Variants in PPP4R3B observed in about 807,000 individuals in gnomAD.
PPP4R3B encodes the protein protein phosphatase 4 regulatory subunit 3B.
PPP4R3B carries 52 observed loss-of-function variants against 95.4 expected under a neutral mutation model. That is an observed-to-expected ratio of 0.54 (90% confidence interval 0.44 to 0.69). The LOEUF (loss-of-function observed/expected upper bound fraction) is 0.69. Ranked by LOEUF, PPP4R3B falls within the 30% of genes least tolerant of loss-of-function variation. PPP4R3B has a pLI of 0.00. For synonymous variants in PPP4R3B, 407 were observed against 343.9 expected, an observed-to-expected ratio of 1.18 and a Z score of -2.03; for missense variants, 1,003 against 1,005.9, an observed-to-expected ratio of 1.00 and a Z score of 0.04.
chr2:55,554,138 T>C (rs368241705), intron 16 of PPP4R3B, among the ~76,000 whole-genome samples: 37 of 152,250 alleles, frequency 2.4e-4, no homozygotes, highest in African/African-American at 8.4e-4. Context: ...GATCTCGGCT[T>C]ATTGCAACCT....
At chr2:55,595,493 C>A (rs1033785629) in intron 4 of PPP4R3B, among the ~76,000 whole-genome samples, 1 of 151,370 alleles carries the variant, frequency 6.6e-6, no homozygotes, top group Middle Eastern at 3.2e-3. Flanking sequence ...TTAAAAATTA[C>A]AATTAAAACC....
At chr2:55,558,191 G>A (rs1487200261) in intron 16 of PPP4R3B, among the ~76,000 whole-genome samples, 1 of 152,144 alleles carries the variant, frequency 6.6e-6, no homozygotes, top group Non-Finnish European at 1.5e-5. Flanking sequence ...GAATTTGACC[G>A]TATGTGTGAA....
At chr2:55,615,894 A>ACCCCGCC (rs1361986561) in intron 1 of PPP4R3B, among the ~76,000 whole-genome samples, 3 of 119,188 alleles carry the variant, frequency 2.5e-5, no homozygotes, top group South Asian at 3.4e-4. Context: ...ACACATTTAA[A>ACCCCGCC]CCCCGCCCCC....
At position 55,568,264 on chromosome 2, in the gene PPP4R3B, A is replaced by C. The variant is rs762252048; in HGVS notation, c.1865T>G (p.Leu622Arg). Reference protein sequence around the residue: ...GNLFEPVINALLDNGTRYNLL... With the variant: ...GNLFEPVINARLDNGTRYNLL... ...ATTATACCGAGTTCCATTATCCAGA[A>C]GTGCATTTATAACTGGCTCAAAAAG... is the stretch of plus-strand genomic sequence containing the variant. The change falls in exon 13 of 17, where the codon CTT (leucine) becomes CGT (arginine). Residue 622 changes from leucine to arginine, a missense_variant. Around this residue, in one of 3 missense-constraint regions of PPP4R3B, gnomAD observed 79 missense variants for 124.9 expected, o/e 0.63. Coordinates refer to ENST00000616407, the MANE Select transcript of PPP4R3B (RefSeq NM_001122964.3). 6.2e-7 allele frequency: 1 copy of C among 1,610,742 alleles called. No individual in the cohort carries two copies.
chr2:55,573,886 C>CCT (rs1688311423), intron 11 of PPP4R3B, 109 bp from the exon 12 acceptor site: 5 of 277,644 alleles, frequency 1.8e-5, no homozygotes, highest in African/African-American at 3.0e-5. Flanking sequence ...GTATTTCCTC[C>CCT]TTTTTTTTTT....
chr2:55,603,788 T>G (rs935981440), intron 3 of PPP4R3B, among the ~76,000 whole-genome samples, 190 bp downstream of exon 3: 2 of 152,220 alleles, frequency 1.3e-5, no homozygotes, highest in African/African-American at 4.8e-5. Flanking sequence ...AACAAAAGTA[T>G]GACAAAGTTG....
chr2:55,564,434 T>C lies in PPP4R3B; in HGVS notation c.2139A>G (p.Glu713=), dbSNP rs1558955821. The C allele has an allele frequency of 2.5e-6, 4 of 1,613,586 alleles. No homozygotes were observed. Among genetic ancestry groups the C allele is most frequent in the African/African-American group, 2.7e-5 (2 of 74,900 alleles). Residue 713 remains glutamate, a synonymous_variant, in exon 15 of 17, where the codon GAA becomes GAG. Coordinates refer to ENST00000616407, the MANE Select transcript of PPP4R3B (RefSeq NM_001122964.3). ...CTTCATCTTCATTAAACCACATTTC[T>C]TCATCCTCTTCCAAGGCTTTTGCAT... ...RRDAKALEED[E]EMWFNEDEEE...
At chr2:55,583,381 C>T (rs60683757) in intron 7 of PPP4R3B, among the ~76,000 whole-genome samples, 52 of 152,048 alleles carry the variant, frequency 3.4e-4, no homozygotes, top group Admixed American at 2.7e-3. Flanking sequence ...AAAAAAAACA[C>T]TGAGAAAGGA....
intron 7 of PPP4R3B, among the ~76,000 whole-genome samples, chr2:55,582,000 G>C (rs931117779): frequency 6.6e-6 from 1 of 152,036 alleles, no homozygotes; most frequent in African/African-American, 2.4e-5. Context: ...AGTAGTTCTT[G>C]TTCAGTAGAG....
At chr2:55,574,594 A>G (rs1310106020) in intron 11 of PPP4R3B, among the ~76,000 whole-genome samples, 1 of 151,316 alleles carries the variant, frequency 6.6e-6, no homozygotes, top group Non-Finnish European at 1.5e-5. Flanking sequence ...TTACATCAAG[A>G]TTCTTTTTTT....
chr2:55,570,927 T>C (rs1239538543), intron 12 of PPP4R3B, among the ~76,000 whole-genome samples: 2 of 152,230 alleles, frequency 1.3e-5, no homozygotes, highest in Admixed American at 6.5e-5. Context: ...TCTACACTGC[T>C]GGTAAATGAA....
intron 16 of PPP4R3B, among the ~76,000 whole-genome samples, 157 bp downstream of exon 16, chr2:55,558,618 T>C (rs544759191): frequency 6.6e-6 from 1 of 152,024 alleles, no homozygotes; most frequent in South Asian, 2.1e-4. Context: ...AAAAATAAAA[T>C]AAAATAAAAT....
intron 7 of PPP4R3B, among the ~76,000 whole-genome samples, chr2:55,582,341 C>T (rs1689555512): frequency 6.6e-6 from 1 of 152,138 alleles, no homozygotes; most frequent in African/African-American, 2.4e-5. Context: ...GGGCTCACTG[C>T]CACCTCATTA....
At chr2:55,611,820 C>T (rs543964847) in intron 2 of PPP4R3B, among the ~76,000 whole-genome samples, 4 of 152,200 alleles carry the variant, frequency 2.6e-5, no homozygotes, top group South Asian at 4.1e-4. Flanking sequence ...TCTCGACCTC[C>T]GAAGCTCAAA....
chr2:55,602,310 T>A (rs1397494914), intron 3 of PPP4R3B, among the ~76,000 whole-genome samples: 3 of 152,190 alleles, frequency 2.0e-5, no homozygotes, highest in African/African-American at 4.8e-5. Context: ...ATCATTTTGG[T>A]GTAAGAGAGT....
chr2:55,567,679 G>A (rs1268293651), intron 13 of PPP4R3B, among the ~76,000 whole-genome samples: 2 of 152,164 alleles, frequency 1.3e-5, no homozygotes, highest in Non-Finnish European at 2.9e-5. Context: ...GTCTCCCAAA[G>A]TGCTGGGATT....
chr2:55,613,911 G>A (rs1299573704), intron 2 of PPP4R3B, among the ~76,000 whole-genome samples: 5 of 151,940 alleles, frequency 3.3e-5, no homozygotes, highest in Non-Finnish European at 7.4e-5. Flanking sequence ...TAAAGACAGA[G>A]ATTAAGAGCT....
At chr2:55,586,231 A>G (rs549840844) in intron 6 of PPP4R3B, among the ~76,000 whole-genome samples, 29 of 152,314 alleles carry the variant, frequency 1.9e-4, no homozygotes, top group African/African-American at 7.0e-4. Context: ...AGTAAATACC[A>G]ATAGATAAAA....
rs1692128370 is a variant in PPP4R3B, at chr2:55,598,637, G to C, written c.700C>G (p.Gln234Glu). ...GCLEYDPALAQPKRHREFLTK... is the reference protein window; with the variant it reads ...GCLEYDPALAEPKRHREFLTK... Reference sequence around the variant, plus strand: ...AAGAATTCTCTATGTCTTTTTGGCTGAGCCAAAGCAGGGTCATATTCAAGG... The same window carrying C: ...AAGAATTCTCTATGTCTTTTTGGCTCAGCCAAAGCAGGGTCATATTCAAGG... The change falls in exon 4 of 17, where the codon CAG becomes GAG. Residue 234 changes from glutamine to glutamate, a missense_variant. Gln to Glu is a conservative substitution (Grantham distance 29). Around this residue, in one of 3 missense-constraint regions of PPP4R3B, gnomAD observed 695 missense variants for 686.2 expected, o/e 1.01. Coordinates refer to ENST00000616407, the MANE Select transcript of PPP4R3B (RefSeq NM_001122964.3). The C allele has an allele frequency of 6.2e-7, 1 of 1,614,116 alleles. No individual in the cohort carries two copies. The highest frequency in any genetic ancestry group is 8.5e-7 in the Non-Finnish European group (1 of 1,180,022).
Sources: gnomAD v4.1 joint callset for allele counts (sites outside exome capture counted in the v4.1 genomes callset) on GRCh38, gnomAD v4.1.1 for gene constraint, gnomAD v4.1.1 regional missense constraint, MANE v1.5 for transcripts, NCBI Gene and HGNC (gene_info 2026-07-23, HGNC 2026-07-21) for gene names.